Variants in WASHC2C observed in about 807,000 individuals in gnomAD.
WASHC2C encodes Vaccinia Penetration Factor.
In WASHC2C, 73 loss-of-function variants were observed where a neutral mutation model predicts 142.2. That is an observed-to-expected ratio of 0.51 (90% confidence interval 0.43 to 0.62). WASHC2C has a LOEUF of 0.62. Among genes scored for constraint, WASHC2C ranks in the 20% least tolerant of loss-of-function variants. The probability of loss-of-function intolerance (pLI) is 0.00; values close to 1 mark genes in which losing one functional copy is unlikely to be tolerated. For synonymous variants in WASHC2C, 337 were observed against 565.5 expected (o/e 0.60, Z 5.73); for missense variants, 969 against 1,531.7 (o/e 0.63, Z 6.13).
At chr10:45,779,711 G>T (rs2057350207) in intron 23 of WASHC2C, among the ~76,000 whole-genome samples, 1 of 152,102 alleles carries the variant, frequency 6.6e-6, no homozygotes, top group Admixed American at 6.5e-5. Context: ...GGTCAGCTGG[G>T]CATGGTGGCT....
At chr10:45,728,595 G>A (rs1214939633) in intron 2 of WASHC2C, among the ~76,000 whole-genome samples, 1 of 151,200 alleles carries the variant, frequency 6.6e-6, no homozygotes, top group Admixed American at 6.6e-5. Flanking sequence ...AAAATTAGTT[G>A]GGCGTTGTGG....
At chr10:45,736,405 C>CAAAAAAAAAAAAAA (rs71520974) in intron 3 of WASHC2C, among the ~76,000 whole-genome samples, 2 of 24,558 alleles carry the variant, frequency 8.1e-5, no homozygotes, top group Admixed American at 8.5e-4. Flanking sequence ...GACTCCATCT[C>CAAAAAAAAAAAAAA]AAAAAAAAAA....
chr10:45,754,496 A>T lies in WASHC2C; in HGVS notation c.1191A>T (p.Ser397=). 4.4e-6 allele frequency: 7 copies of T among 1,597,148 alleles called. No individual in the cohort carries two copies. Among genetic ancestry groups the T allele is most frequent in the Non-Finnish European group, 6.0e-6 (7 of 1,171,550 alleles). Residue 397 remains serine, a synonymous_variant, in exon 14 of 31, where the codon TCA becomes TCT. Coordinates refer to ENST00000623400, the MANE Select transcript of WASHC2C (RefSeq NM_001330074.2). ...GCTTTCTCATTCTAGAGTCTTCATC[A>T]TCCAAACCTGGAAAGAAAATCCCAG... The part of the protein sequence containing the change: ...AGASVKEESS[S]SKPGKKIPAG...
chr10:45,770,242 A>G (rs1290120485), intron 20 of WASHC2C, among the ~76,000 whole-genome samples: 1 of 137,912 alleles, frequency 7.3e-6, no homozygotes, highest in African/African-American at 2.8e-5. Flanking sequence ...CTCCATCTCA[A>G]AAAAAAAAAA....
At chr10:45,734,997 G>T (rs2051046193) in intron 3 of WASHC2C, among the ~76,000 whole-genome samples, 1 of 152,026 alleles carries the variant, frequency 6.6e-6, no homozygotes, top group African/African-American at 2.4e-5. Context: ...ATGAATGTTT[G>T]TGTGTGTTTA....
intron 6 of WASHC2C, among the ~76,000 whole-genome samples, chr10:45,744,473 G>A (rs1399823775): frequency 2.7e-3 from 389 of 142,914 alleles, no homozygotes; most frequent in African/African-American, 6.6e-3. Flanking sequence ...TCTGTGGTCC[G>A]GGACTCAATC....
At chr10:45,754,394 G>A in intron 13 of WASHC2C, 92 bp from the exon 14 acceptor site, 1 of 1,596,844 alleles carries the variant, frequency 6.3e-7, no homozygotes, top group Non-Finnish European at 8.5e-7. Flanking sequence ...TCTGGTACTA[G>A]CTGTGTGTTA....
At chr10:45,765,361 G>C (rs1376753641) in intron 18 of WASHC2C, among the ~76,000 whole-genome samples, 2 of 151,076 alleles carry the variant, frequency 1.3e-5, no homozygotes, top group African/African-American at 4.9e-5. Flanking sequence ...CCTGAAATGA[G>C]CAGAGAGGCA....
intron 8 of WASHC2C, among the ~76,000 whole-genome samples, chr10:45,749,851 A>ATATTTATATATATATATATATT (rs1554873289): frequency 1.8e-5 from 2 of 108,132 alleles, no homozygotes; most frequent in Non-Finnish European, 3.5e-5. Context: ...ATATATATAT[A>ATATTTATATATATATATATATT]TATATTTATA....
At chr10:45,731,045 AT>A (rs2050512923) in intron 3 of WASHC2C, among the ~76,000 whole-genome samples, 1 of 149,736 alleles carries the variant, frequency 6.7e-6, no homozygotes, top group Admixed American at 6.6e-5. Context: ...CTTAGGTCTT[AT>A]CTTTTCTCCA....
intron 16 of WASHC2C, among the ~76,000 whole-genome samples, chr10:45,758,769 G>A (rs868955726): frequency 7.3e-5 from 11 of 150,404 alleles, no homozygotes; most frequent in East Asian, 3.9e-4. Context: ...CACCATGCCC[G>A]GCTAATTTTT....
chr10:45,759,616 G>C (rs1477530893), intron 17 of WASHC2C, among the ~76,000 whole-genome samples: 1 of 152,048 alleles, frequency 6.6e-6, no homozygotes. Context: ...GTCAGGAGTT[G>C]GAGACCAGGC....
intron 20 of WASHC2C, among the ~76,000 whole-genome samples, chr10:45,772,623 A>G (rs1345094685): frequency 6.6e-6 from 1 of 152,212 alleles, no homozygotes; most frequent in African/African-American, 2.4e-5. Flanking sequence ...AGGCTAAGGC[A>G]GGAGATCACT....
Position 45,743,395 on chromosome 10 carries a change from A to G in WASHC2C, c.534A>G (p.Leu178=). 1 of 1,611,958 alleles carries G rather than the reference A, an allele frequency of 6.2e-7. No homozygotes were observed. Among genetic ancestry groups the G allele is most frequent in the Non-Finnish European group, 8.5e-7 (1 of 1,179,844 alleles). The change falls in exon 6 of 31, where the codon CTA becomes CTG. Residue 178 remains leucine, a synonymous_variant. Coordinates refer to ENST00000623400, the MANE Select transcript of WASHC2C (RefSeq NM_001330074.2). ...ATTCCTTTCATCATGTACAGGATCT[A>G]TACATTGATCGTCCTTTACCATATC... The part of the protein sequence containing the change: ...RVELILEPKD[L]YIDRPLPYLI...
chr10:45,731,793 CTTTTTTT>C lies in WASHC2C; in HGVS notation c.291+2780_291+2786del, dbSNP rs782728565. ...TGATATATATTTGTAAGTGATCTGG[CTTTTTTT>C]TTTTTTTTTTTTGAGACGGAGTCTC... is the stretch of plus-strand genomic sequence containing the variant. On this transcript the variant is annotated intron_variant, in intron 3 of 30. Coordinates refer to ENST00000623400, the MANE Select transcript of WASHC2C (RefSeq NM_001330074.2). Among the ~76,000 whole-genome samples the C allele has an allele frequency of 1.7e-4, 19 of 109,866 alleles. No homozygotes were observed. In the Admixed American group the frequency reaches 1.8e-3, roughly 10 times the overall value. The allele number at this position is 109,866 out of a possible 152,430, so 72.1% of individuals were successfully genotyped here. A position where few individuals can be genotyped will look rare whatever the true frequency, so the allele number is the denominator to read the frequency against.
chr10:45,749,836 A>AAAAAAAATATAT (rs1227809519), intron 8 of WASHC2C, among the ~76,000 whole-genome samples: 33 of 101,760 alleles, frequency 3.2e-4, no homozygotes, highest in South Asian at 1.7e-3. Context: ...AAAAAAAAAA[A>AAAAAAAATATAT]ATATATATAT....
chr10:45,784,252 GTATATATA>G lies in WASHC2C; in HGVS notation c.2479-282_2479-275del, dbSNP rs71225139. ...CATATATATATATATGTGTGTGTGT[GTATATATA>G]TATATATATATATATATATATATAT... On this transcript the variant is annotated intron_variant, in intron 23 of 30. Transcript: ENST00000623400. 6.8e-3 allele frequency among the ~76,000 whole-genome samples: 276 copies of G among 40,704 alleles called. 3 individuals are homozygous for G. The highest frequency in any genetic ancestry group is 0.02 in the African/African-American group (254 of 12,974). 26.7% of individuals were successfully genotyped at this position (40,704 alleles called of 152,430 possible).
chr10:45,736,405 CAAAAAAAAAAAAAAAAAAAAAA>C (rs71520974), intron 3 of WASHC2C, among the ~76,000 whole-genome samples: 1 of 24,558 alleles, frequency 4.1e-5, no homozygotes, highest in Non-Finnish European at 7.0e-5. Context: ...GACTCCATCT[CAAAAAAAAAAAAAAAAAAAAAA>C]AAAAAAAAAA....
chr10:45,784,293 C>CACACACACACAT (rs1305333868), intron 23 of WASHC2C, among the ~76,000 whole-genome samples: 5 of 63,644 alleles, frequency 7.9e-5, no homozygotes, highest in African/African-American at 2.6e-4. Flanking sequence ...TATATATACA[C>CACACACACACAT]ATATATATAT....
Sources: gnomAD v4.1 joint callset for allele counts (sites outside exome capture counted in the v4.1 genomes callset) on GRCh38, gnomAD v4.1.1 for gene constraint, MANE v1.5 for transcripts, NCBI Gene and HGNC (gene_info 2026-07-23, HGNC 2026-07-21) for gene names.